The following BMPER variants were observed in gnomAD, a reference collection of about 807,000 sequenced individuals.
BMPER encodes BMP binding endothelial regulator.
Under a neutral mutation model 87.3 loss-of-function variants are expected in BMPER, and 45 were observed. The ratio of observed to expected loss-of-function variants is 0.52; its 90% CI spans 0.41 to 0.66. BMPER has a LOEUF of 0.66. Ranked by LOEUF, BMPER falls within the 30% of genes least tolerant of loss-of-function variation. BMPER has a pLI of 0.00. For synonymous variants in BMPER, 326 were observed against 316.2 expected (o/e 1.03, Z -0.33); for missense variants, 784 against 867.5 (o/e 0.90, Z 1.21).
At chr7:33,909,621 T>C (rs1459908593) in intron 2 of BMPER, among the ~76,000 whole-genome samples, 1 of 150,012 alleles carries the variant, frequency 6.7e-6, no homozygotes, top group Non-Finnish European at 1.5e-5. Context: ...TGGTCCAGCC[T>C]TTTGGCAGAA....
At chr7:34,112,460 A>T (rs1789995897) in intron 13 of BMPER, among the ~76,000 whole-genome samples, 1 of 143,800 alleles carries the variant, frequency 7.0e-6, no homozygotes, top group Admixed American at 7.1e-5. Context: ...ACGCCACAGG[A>T]CTCCAGCCTG....
chr7:34,018,896 G>C (rs1787108269), intron 6 of BMPER, among the ~76,000 whole-genome samples: 1 of 151,974 alleles, frequency 6.6e-6, no homozygotes, highest in African/African-American at 2.4e-5. Flanking sequence ...CCTTGGAATT[G>C]AAATGGGCTG....
chr7:34,124,581 A>G (rs141468619), intron 13 of BMPER, among the ~76,000 whole-genome samples: 40 of 152,188 alleles, frequency 2.6e-4, no homozygotes, highest in African/African-American at 9.1e-4. Flanking sequence ...GAAGTTTCTC[A>G]ATTACAGGCT....
At chr7:34,125,505 A>G (rs1048207067) in intron 13 of BMPER, among the ~76,000 whole-genome samples, 2 of 152,168 alleles carry the variant, frequency 1.3e-5, no homozygotes, top group Non-Finnish European at 2.9e-5. Flanking sequence ...AGTCTTTGAA[A>G]GTGGAGATTT....
intron 2 of BMPER, among the ~76,000 whole-genome samples, chr7:33,924,851 G>A (rs1222430323): frequency 2.0e-5 from 3 of 152,062 alleles, no homozygotes; most frequent in African/African-American, 7.2e-5. Context: ...CAGTAGAGAC[G>A]GGGTTTCACC....
chr7:33,969,561 G>A (rs914697269), intron 4 of BMPER, among the ~76,000 whole-genome samples: 5 of 152,064 alleles, frequency 3.3e-5, no homozygotes, highest in Admixed American at 2.0e-4. Context: ...CACCACGCCC[G>A]GCTAATTTTT....
chr7:33,922,496 T>C (rs762591805), intron 2 of BMPER, among the ~76,000 whole-genome samples: 5 of 152,232 alleles, frequency 3.3e-5, no homozygotes, highest in Non-Finnish European at 5.9e-5. Context: ...TTGTTGTTGT[T>C]GTTCTGTTTT....
intron 13 of BMPER, among the ~76,000 whole-genome samples, chr7:34,086,904 G>A (rs921173420): frequency 1.3e-5 from 2 of 152,016 alleles, no homozygotes; most frequent in Non-Finnish European, 2.9e-5. Flanking sequence ...TGTGGGTGTG[G>A]GAGGAAACAC....
At chr7:34,125,118 T>C (rs1197481706) in intron 13 of BMPER, among the ~76,000 whole-genome samples, 1 of 152,198 alleles carries the variant, frequency 6.6e-6, no homozygotes, top group Non-Finnish European at 1.5e-5. Context: ...AGTCTATAGT[T>C]CTCTTGTCTA....
intron 4 of BMPER, 113 bp from the exon 5 acceptor site, chr7:33,970,216 C>A: frequency 9.3e-7 from 1 of 1,073,464 alleles, no homozygotes; most frequent in Non-Finnish European, 1.4e-6. Context: ...CTGACACCCA[C>A]CAAACCTTGT....
chr7:34,055,437 A>G, intron 9 of BMPER, 134 bp downstream of exon 9: 1 of 1,106,178 alleles, frequency 9.0e-7, no homozygotes, highest in Non-Finnish European at 1.3e-6. Flanking sequence ...GCATATATTA[A>G]TAGAATGTAT....
intron 3 of BMPER, among the ~76,000 whole-genome samples, chr7:33,940,615 G>T (rs571394127): frequency 6.6e-6 from 1 of 152,080 alleles, no homozygotes; most frequent in African/African-American, 2.4e-5. Flanking sequence ...AGATCAGTGG[G>T]TAGCAGAAAT....
chr7:33,989,934 G>A (rs370198431), intron 6 of BMPER, among the ~76,000 whole-genome samples: 19 of 152,024 alleles, frequency 1.2e-4, no homozygotes, highest in Admixed American at 3.3e-4. Flanking sequence ...GTAGATATGC[G>A]GCGTTATTTC....
chr7:33,920,460 C>G (rs964397601), intron 2 of BMPER, among the ~76,000 whole-genome samples: 3 of 116,820 alleles, frequency 2.6e-5, no homozygotes, highest in African/African-American at 1.0e-4. Context: ...GAGTCTTGCT[C>G]TATGGCCCAG....
intron 13 of BMPER, among the ~76,000 whole-genome samples, chr7:34,137,871 A>C (rs1251051043): frequency 6.6e-6 from 1 of 152,166 alleles, no homozygotes; most frequent in African/African-American, 2.4e-5. Context: ...AAGAACTTTG[A>C]ATTTTTTTTG....
At chr7:34,117,773 C>A (rs1790154402) in intron 13 of BMPER, among the ~76,000 whole-genome samples, 2 of 152,126 alleles carry the variant, frequency 1.3e-5, no homozygotes, top group Non-Finnish European at 2.9e-5. Flanking sequence ...GAGGTTCTGC[C>A]AATTTGGCAT....
chr7:34,141,390 A>G (rs920576421), intron 13 of BMPER, among the ~76,000 whole-genome samples: 1 of 152,080 alleles, frequency 6.6e-6, no homozygotes, highest in African/African-American at 2.4e-5. Flanking sequence ...TGGGTGGATC[A>G]TCTGAGGTCA....
intron 13 of BMPER, among the ~76,000 whole-genome samples, chr7:34,099,997 C>A (rs902233752): frequency 6.6e-6 from 1 of 151,958 alleles, no homozygotes; most frequent in Non-Finnish European, 1.5e-5. Flanking sequence ...GGATTCTCTG[C>A]CTGGGGTGCA....
intron 6 of BMPER, among the ~76,000 whole-genome samples, chr7:34,017,868 T>A (rs1002821265): frequency 4.6e-5 from 7 of 151,588 alleles, no homozygotes; most frequent in Non-Finnish European, 1.0e-4. Flanking sequence ...ACTTATTGTT[T>A]TCTAAATTTT....
Sources: allele counts gnomAD v4.1 joint callset (sites outside exome capture counted in the v4.1 genomes callset), GRCh38; gene constraint gnomAD v4.1.1; transcripts MANE v1.5; gene names NCBI Gene and HGNC (gene_info 2026-07-23, HGNC 2026-07-21).